LRRC49: variants seen among roughly 807,000 people sequenced by gnomAD.
LRRC49 encodes leucine rich repeat containing 49, also known as leucine-rich repeat-containing protein 49.
A neutral mutation model predicts 83.3 loss-of-function variants in LRRC49; 50 were observed. The ratio of observed to expected loss-of-function variants is 0.60; its 90% CI spans 0.48 to 0.76. LRRC49 has a LOEUF of 0.76. Ranked by LOEUF, LRRC49 falls within the 30% of genes least tolerant of loss-of-function variation. LRRC49 has a pLI of 0.00. For synonymous variants in LRRC49, 286 were observed against 283.3 expected (o/e 1.01, Z -0.10); for missense variants, 704 against 809.1 (o/e 0.87, Z 1.58).
chr15:71,042,657 A>G (rs2039731708), intron 15 of LRRC49, among the ~76,000 whole-genome samples: 1 of 152,208 alleles, frequency 6.6e-6, no homozygotes, highest in Non-Finnish European at 1.5e-5. Flanking sequence ...TTGTTGAGAA[A>G]ATTAATTGAG....
intron 14 of LRRC49, among the ~76,000 whole-genome samples, chr15:71,021,239 T>C (rs2038986159): frequency 6.6e-6 from 1 of 152,200 alleles, no homozygotes; most frequent in African/African-American, 2.4e-5. Flanking sequence ...AACAGAAGCA[T>C]ATGTAGTCGG....
intron 9 of LRRC49, among the ~76,000 whole-genome samples, chr15:70,966,577 T>C (rs2036802651): frequency 6.6e-6 from 1 of 152,128 alleles, no homozygotes; most frequent in Non-Finnish European, 1.5e-5. Flanking sequence ...CATTGATAAG[T>C]AGTTGTGGTT....
chr15:71,000,613 C>A (rs1453254670), intron 11 of LRRC49, among the ~76,000 whole-genome samples: 1 of 152,130 alleles, frequency 6.6e-6, no homozygotes, highest in Non-Finnish European at 1.5e-5. Flanking sequence ...TTTTAGTTTG[C>A]CCCATATTTG....
At chr15:70,892,572 C>A, upstream of LRRC49, 1 of 1,485,832 alleles carries the variant, frequency 6.7e-7, no homozygotes, top group Non-Finnish European at 8.9e-7. Context: ...AGGAACGGAC[C>A]GGAAGTGGTG....
chr15:70,994,597 T>G (rs2038014944), intron 11 of LRRC49, among the ~76,000 whole-genome samples: 1 of 152,060 alleles, frequency 6.6e-6, no homozygotes, highest in South Asian at 2.1e-4. Context: ...ACCTCAGCCT[T>G]CCAAATAGCT....
At chr15:70,853,962 C>T in intron 1 of LRRC49, 1 of 1,455,750 alleles carries the variant, frequency 6.9e-7, no homozygotes, top group South Asian at 1.3e-5. Flanking sequence ...GGGTCCCCGG[C>T]GCCCCGAGTC....
intron 6 of LRRC49, among the ~76,000 whole-genome samples, chr15:70,916,155 G>A (rs1003641395): frequency 6.6e-6 from 1 of 152,098 alleles, no homozygotes; most frequent in African/African-American, 2.4e-5. Flanking sequence ...TCATCCCATT[G>A]TGCTACACTT....
At chr15:70,853,893 G>C in intron 1 of LRRC49, 4 of 1,312,146 alleles carry the variant, frequency 3.0e-6, no homozygotes, top group Non-Finnish European at 3.9e-6. Flanking sequence ...GCCTACCTGT[G>C]CCCGCGGCTC....
chr15:70,958,037 CT>C (rs2036465164), intron 8 of LRRC49, among the ~76,000 whole-genome samples: 2 of 152,006 alleles, frequency 1.3e-5, no homozygotes. Flanking sequence ...AGTTGTTCAC[CT>C]GAGAGAGAAA....
rs141802424 is a variant in LRRC49, at chr15:70,997,246, C to A, written c.1170-11133C>A. On this transcript the variant is annotated intron_variant, in intron 11 of 15. Coordinates refer to ENST00000260382, the MANE Select transcript of LRRC49 (RefSeq NM_017691.5). ...TGCATATACCTTTATAATTGTTGTA[C>A]CTTCCTTATGGATTAACCAATTTTT... Among the ~76,000 whole-genome samples, 11 of 152,184 alleles carry A rather than the reference C, an allele frequency of 7.2e-5. No individual in the cohort carries two copies. The East Asian group carries it at 2.1e-3, about 29-fold the overall frequency.
At chr15:70,940,962 G>A (rs1218509000) in intron 8 of LRRC49, among the ~76,000 whole-genome samples, 1 of 152,158 alleles carries the variant, frequency 6.6e-6, no homozygotes, top group Non-Finnish European at 1.5e-5. Context: ...TTCTAAATGT[G>A]ATGGGCATAA....
At chr15:71,039,844 T>G (rs1416217330) in intron 15 of LRRC49, among the ~76,000 whole-genome samples, 1 of 152,206 alleles carries the variant, frequency 6.6e-6, no homozygotes, top group Non-Finnish European at 1.5e-5. Context: ...ACCAACTTTT[T>G]AAGAAACAGA....
chr15:70,892,266 C>T (rs1473043473), upstream of LRRC49: 2 of 1,568,544 alleles, frequency 1.3e-6, no homozygotes, highest in East Asian at 2.4e-5. Context: ...ACACAACGGG[C>T]CGGCATGGCG....
chr15:70,890,369 G>A (rs573104027), upstream of LRRC49, among the ~76,000 whole-genome samples: 2 of 152,214 alleles, frequency 1.3e-5, no homozygotes, highest in Admixed American at 1.3e-4. Flanking sequence ...GGTGAGGAGG[G>A]AAACTGGCAG....
In LRRC49 at chr15:70,883,747, C is replaced by T. The variant is rs1336650524; in HGVS notation, c.19-9837C>T. 2.0e-5 allele frequency among the ~76,000 whole-genome samples: 3 copies of T among 151,716 alleles called. No individual in the cohort carries two copies. In the East Asian group the frequency reaches 5.8e-4, roughly 29 times the overall value. ...CACTGCAACTGCAACATCCACCTCCCGGGTTCAAGCAATTGTCGTGCCTCA... is the reference window on the plus strand; with the variant it reads ...CACTGCAACTGCAACATCCACCTCCTGGGTTCAAGCAATTGTCGTGCCTCA... On this transcript the variant is annotated intron_variant, in intron 2 of 16. Coordinates refer to the LRRC49 transcript ENST00000544974.
At chr15:70,869,003 T>C (rs1371899903) in intron 1 of LRRC49, among the ~76,000 whole-genome samples, 1 of 152,204 alleles carries the variant, frequency 6.6e-6, no homozygotes, top group African/African-American at 2.4e-5. Context: ...TGCAGCTTTA[T>C]GTAAAATGAT....
At chr15:71,000,573 A>G (rs1437441147) in intron 11 of LRRC49, among the ~76,000 whole-genome samples, 1 of 152,160 alleles carries the variant, frequency 6.6e-6, no homozygotes, top group Non-Finnish European at 1.5e-5. Context: ...TCTTCATTAT[A>G]CCTTAAAAGT....
At chr15:70,907,141 G>A (rs946515950) in intron 5 of LRRC49, among the ~76,000 whole-genome samples, 1 of 152,218 alleles carries the variant, frequency 6.6e-6, no homozygotes, top group East Asian at 1.9e-4. Context: ...CCTGGCTGAG[G>A]ATGCTGGTAA....
At chr15:70,932,857 G>A (rs1370548184) in intron 7 of LRRC49, among the ~76,000 whole-genome samples, 1 of 150,738 alleles carries the variant, frequency 6.6e-6, no homozygotes, top group Non-Finnish European at 1.5e-5. Flanking sequence ...AGCCTCCCAA[G>A]TAGCTGGGAC....
Sources: allele counts gnomAD v4.1 joint callset (sites outside exome capture counted in the v4.1 genomes callset), GRCh38; gene constraint gnomAD v4.1.1; transcripts MANE v1.5; gene names NCBI Gene and HGNC (gene_info 2026-07-23, HGNC 2026-07-21).